Variants in ANXA11 observed in about 807,000 individuals in gnomAD.
ANXA11 encodes annexin A11.
ANXA11 carries 57 observed loss-of-function variants against 64.7 expected under a neutral mutation model. That is an observed-to-expected ratio of 0.88 (90% CI 0.71 to 1.10). The LOEUF is 1.10. Ranked by LOEUF, ANXA11 falls within the 50% of genes least tolerant of loss-of-function variation. ANXA11 has a pLI of 0.00. For synonymous variants in ANXA11, 260 were observed against 265.2 expected, an observed-to-expected ratio of 0.98 and a Z score of 0.19; for missense variants, 675 against 670.7, an observed-to-expected ratio of 1.01 and a Z score of -0.07.
At chr10:80,157,452 G>A (rs1444866329) in intron 15 of ANXA11, 189 bp downstream of exon 15, 1 of 985,248 alleles carries the variant, frequency 1.0e-6, no homozygotes, top group Non-Finnish European at 1.2e-6. Context: ...CGACAGCAAG[G>A]TCATGATCCA....
intron 1 of ANXA11, among the ~76,000 whole-genome samples, chr10:80,195,467 G>T (rs1463236536): frequency 6.6e-6 from 1 of 152,212 alleles, no homozygotes; most frequent in Non-Finnish European, 1.5e-5. Context: ...CTGAGGAACA[G>T]CATGAAAACA....
At chr10:80,163,290 C>G in intron 11 of ANXA11, 59 bp downstream of exon 11, 1 of 1,599,330 alleles carries the variant, frequency 6.3e-7, no homozygotes, top group Non-Finnish European at 8.5e-7. Context: ...TCTCAGGAAG[C>G]AAGAAAGCGG....
At chr10:80,183,626 G>GTGC in intron 1 of ANXA11, among the ~76,000 whole-genome samples, 1 of 152,232 alleles carries the variant, frequency 6.6e-6, no homozygotes, top group African/African-American at 2.4e-5. Flanking sequence ...TCCCCTCACA[G>GTGC]TGCTGCATTG....
chr10:80,192,250 A>G (rs2132484644), intron 1 of ANXA11, among the ~76,000 whole-genome samples: 1 of 152,296 alleles, frequency 6.6e-6, no homozygotes, highest in African/African-American at 2.4e-5. Context: ...CCGAAGGGGG[A>G]AGAGATGTGA....
chr10:80,165,979 C>A, intron 8 of ANXA11, 105 bp downstream of exon 8: 1 of 685,370 alleles, frequency 1.5e-6, no homozygotes, highest in Non-Finnish European at 2.5e-6. Context: ...GAACACAGCA[C>A]GCCATCCAGG....
intron 7 of ANXA11, 158 bp from the exon 8 acceptor site, chr10:80,166,355 C>T (rs1845741166): frequency 1.7e-6 from 1 of 576,574 alleles, no homozygotes; most frequent in South Asian, 2.1e-5. Context: ...TCAGCCCTGC[C>T]CCAAACCTCC....
rs1482118268 is a variant in ANXA11, at chr10:80,163,569, C to T, written c.994G>A (p.Gly332Arg). 1.3e-6 allele frequency: 2 copies of T among 1,571,844 alleles called. No individual in the cohort carries two copies. The highest frequency in any genetic ancestry group is 1.7e-6 in the Non-Finnish European group (2 of 1,157,850). ...GAGATGAGGAGCCGCTGGAAGTGCC[C>T]TGATGTGTCGCTTCGAATGGCCTCT... The part of the protein sequence containing the change: ...LEEAIRSDTS[G>R]HFQRLLISLS... The change falls in exon 10 of 16, where the codon GGG becomes AGG. Residue 332 changes from glycine to arginine, a missense_variant. Gly to Arg is a moderately radical substitution (Grantham distance 125). Transcript: ENST00000422982.
Position 80,167,253 on chromosome 10 carries a change from C to A in ANXA11, c.622G>T (p.Val208Phe). The A allele has an allele frequency of 1.2e-6, 2 of 1,614,200 alleles. No individual in the cohort carries two copies. Among genetic ancestry groups the A allele is most frequent in the African/African-American group, 1.3e-5 (1 of 75,068 alleles). ...PGFDPLRDAE[V>F]LRKAMKGFGT... The stretch of plus-strand genomic sequence containing the variant: ...AAGCCTTTCATGGCCTTCCGCAGGA[C>A]CTCGGCATCTCGCAGGGGGTCAAAG... The change falls in exon 6 of 16, where the codon GTC becomes TTC. Residue 208 changes from valine to phenylalanine, a missense_variant. By Grantham distance (50) the Val-to-Phe change is conservative. Transcript: ENST00000422982.
chr10:80,164,132 A>G lies in ANXA11; in HGVS notation c.870T>C (p.Thr290=), dbSNP rs1845633256. Residue 290 remains threonine (T), a synonymous_variant, in exon 9 of 16, where the codon ACT becomes ACC. Transcript: ENST00000422982. ...GGATCTCAATCAGGCAGGCTTCATC[A>G]GTGCCAACCCCCTGCAGGGGCAGAG... ...EIKEAIKGVG[T]DEACLIEILA... 5.6e-6 allele frequency: 9 copies of G among 1,613,934 alleles called. No homozygotes were observed. The highest frequency in any genetic ancestry group is 2.7e-5 in the African/African-American group (2 of 74,928).
rs1846012314 is a variant in ANXA11 at position 80,172,363 on chromosome 10, T to C, written c.55+444A>G. Reference sequence around the variant, plus strand: ...AAACCCACACACCTTGAGCAGAGGGTAGGAGAGGTGGTAAGGGGCAACCAT... The same window carrying C: ...AAACCCACACACCTTGAGCAGAGGGCAGGAGAGGTGGTAAGGGGCAACCAT... On this transcript the variant is annotated intron_variant, in intron 3 of 15. Coordinates refer to ENST00000422982, the MANE Select transcript of ANXA11 (RefSeq NM_145868.2). Among the ~76,000 whole-genome samples the C allele has an allele frequency of 2.0e-5, 3 of 151,962 alleles. No individual in the cohort carries two copies. The South Asian group carries it at 6.2e-4, about 32-fold the overall frequency.
chr10:80,166,096 C>T lies in ANXA11; in HGVS notation c.846G>A (p.Lys282=). The change falls in exon 8 of 16, where the codon AAG becomes AAA. Residue 282 remains lysine (K), a synonymous_variant. Transcript: ENST00000422982. ...TPVLFDIYEI[K]EAIKGVGTDE... ...CACACGTACACACCTTGATGGCTTC[C>T]TTTATCTCATAAATGTCAAAGAGGA... The T allele has an allele frequency of 6.3e-7, 1 of 1,598,654 alleles. No individual in the cohort carries two copies. The highest frequency in any genetic ancestry group is 8.6e-7 in the Non-Finnish European group (1 of 1,167,162).
chr10:80,173,223 C>A (rs1338508363), intron 2 of ANXA11, among the ~76,000 whole-genome samples: 1 of 152,256 alleles, frequency 6.6e-6, no homozygotes, highest in East Asian at 1.9e-4. Flanking sequence ...TGTTCTCCCA[C>A]CTCAGAGGTA....
intron 15 of ANXA11, chr10:80,156,981 C>G (rs1845300999): frequency 2.0e-6 from 2 of 985,294 alleles, no homozygotes; most frequent in African/African-American, 3.5e-5. Context: ...TTAGACCACA[C>G]AGCTGAGAAT....
rs946757614 is a variant in ANXA11, at chr10:80,153,913, G to A, written c.*1940C>T. The A allele has an allele frequency of 6.6e-6, 1 of 152,270 alleles. No individual in the cohort carries two copies. The highest frequency in any genetic ancestry group is 2.4e-5 in the African/African-American group (1 of 41,460). The allele number at this position is 152,270 out of a possible 1,614,324, so 9.4% of individuals were successfully genotyped here. The stretch of plus-strand genomic sequence containing the variant: ...GACCCAGCAGGCTTGATCTAGCCTA[G>A]TCTCTCTGGATTCTCCCATTTCTTT... On this transcript the variant is annotated 3_prime_UTR_variant, in exon 16 of 16. Coordinates refer to ENST00000422982, the MANE Select transcript of ANXA11 (RefSeq NM_145868.2).
chr10:80,188,233 AT>A (rs2132472464), intron 1 of ANXA11, among the ~76,000 whole-genome samples: 1 of 151,988 alleles, frequency 6.6e-6, no homozygotes, highest in Admixed American at 6.6e-5. Flanking sequence ...GGACTTCTCA[AT>A]TCTGCTGCAT....
chr10:80,170,066 A>T (rs1845912273), intron 4 of ANXA11, among the ~76,000 whole-genome samples: 1 of 150,684 alleles, frequency 6.6e-6, no homozygotes, highest in East Asian at 2.0e-4. Context: ...CCCCACCCCC[A>T]CTCCTGACCC....
intron 1 of ANXA11, among the ~76,000 whole-genome samples, chr10:80,204,577 C>T (rs992356127): frequency 1.3e-5 from 2 of 152,192 alleles, no homozygotes; most frequent in Non-Finnish European, 2.9e-5. Context: ...TGACTGTTTC[C>T]AGCTTGGGCT....
intron 1 of ANXA11, among the ~76,000 whole-genome samples, chr10:80,177,738 A>C (rs1846221503): frequency 6.6e-6 from 1 of 152,146 alleles, no homozygotes; most frequent in Admixed American, 6.5e-5. Flanking sequence ...ACATTTCTCC[A>C]CATGCCCAAG....
intron 1 of ANXA11, among the ~76,000 whole-genome samples, chr10:80,177,444 A>T (rs1425850957): frequency 2.0e-5 from 3 of 151,836 alleles, no homozygotes; most frequent in African/African-American, 7.3e-5. Flanking sequence ...CTCCTGTGAA[A>T]TTTCTCCCCT....
Sources: gnomAD v4.1 joint callset for allele counts (sites outside exome capture counted in the v4.1 genomes callset) on GRCh38, gnomAD v4.1.1 for gene constraint, MANE v1.5 for transcripts, NCBI Gene and HGNC (gene_info 2026-07-23, HGNC 2026-07-21) for gene names.